The following TDRD1 variants were observed in gnomAD, a reference collection of about 807,000 sequenced individuals.
TDRD1 encodes the protein tudor domain containing 1.
A neutral mutation model predicts 140.6 loss-of-function variants in TDRD1; 37 were observed. The observed-to-expected ratio is 0.26, with a 90% CI of 0.20 to 0.35. The LOEUF is 0.35. Among genes scored for constraint, TDRD1 ranks in the 10% least tolerant of loss-of-function variants. TDRD1 has a pLI of 1.00. For synonymous variants in TDRD1, 506 were observed against 475.7 expected, an observed-to-expected ratio of 1.06 and a Z score of -0.83; for missense variants, 1,243 against 1,393.0, an observed-to-expected ratio of 0.89 and a Z score of 1.71.
At chr10:114,191,673 C>T (rs1564936270) in intron 3 of TDRD1, among the ~76,000 whole-genome samples, 1 of 152,184 alleles carries the variant, frequency 6.6e-6, no homozygotes, top group Non-Finnish European at 1.5e-5. Context: ...AACTAAAACT[C>T]TATATCCATT....
chr10:114,207,172 T>C lies in TDRD1; in HGVS notation c.1384+842T>C, dbSNP rs117298070. ...TCTTTTTGATCCTTTACTTTGCTCC[T>C]GTACTGATTGCTTTAGGAGTAGATA... On this transcript the variant is annotated intron_variant, in intron 11 of 25. Transcript: ENST00000251864. 6.5e-3 allele frequency among the ~76,000 whole-genome samples: 992 copies of C among 152,360 alleles called. 11 individuals are homozygous for C. The highest frequency in any genetic ancestry group is 0.01 in the Middle Eastern group (3 of 294).
At chr10:114,194,747 G>C (rs1038731095) in intron 3 of TDRD1, among the ~76,000 whole-genome samples, 1 of 143,594 alleles carries the variant, frequency 7.0e-6, no homozygotes, top group African/African-American at 2.6e-5. Flanking sequence ...CTTTTTAGTG[G>C]TTGGTTGTTG....
At chr10:114,203,451 T>G in exon 8 of TDRD1, 1 of 1,614,028 alleles carries the variant, frequency 6.2e-7, no homozygotes, top group Non-Finnish European at 8.5e-7. Flanking sequence ...TTCAGAAGTT[T>G]TAGAATACAT....
chr10:114,215,571 T>C (rs1054004879), intron 16 of TDRD1, among the ~76,000 whole-genome samples: 3 of 152,168 alleles, frequency 2.0e-5, no homozygotes, highest in Non-Finnish European at 4.4e-5. Flanking sequence ...GCATCATTGA[T>C]CTTAAGTTTT....
chr10:114,188,037 T>C, exon 2 of TDRD1: 1 of 1,614,190 alleles, frequency 6.2e-7, no homozygotes, highest in Non-Finnish European at 8.5e-7. Context: ...AATTTTTTGC[T>C]TTGTGAGCAA....
At chr10:114,201,571 A>G (rs1438522837) in intron 5 of TDRD1, 56 bp downstream of exon 5, 4 of 1,448,834 alleles carry the variant, frequency 2.8e-6, no homozygotes, top group Non-Finnish European at 3.8e-6. Context: ...TTCTGATACA[A>G]TAAGCGTCCA....
intron 3 of TDRD1, among the ~76,000 whole-genome samples, chr10:114,191,949 C>A (rs1363883470): frequency 6.6e-6 from 1 of 152,162 alleles, no homozygotes; most frequent in East Asian, 1.9e-4. Context: ...TGTGGTTTAA[C>A]TTGCATTTCC....
chr10:114,205,683 A>C (rs190941861), intron 10 of TDRD1, among the ~76,000 whole-genome samples: 1 of 152,194 alleles, frequency 6.6e-6, no homozygotes, highest in Admixed American at 6.5e-5. Flanking sequence ...ATTTCTGTCA[A>C]ATAGAGGGTA....
At chr10:114,218,012 A>AT (rs1025522318) in intron 17 of TDRD1, among the ~76,000 whole-genome samples, 12 of 152,146 alleles carry the variant, frequency 7.9e-5, no homozygotes, top group African/African-American at 2.7e-4. Flanking sequence ...CATTACAATA[A>AT]TTTTTTTACT....
At chr10:114,220,024 A>C (rs2036047058) in intron 18 of TDRD1, among the ~76,000 whole-genome samples, 1 of 152,198 alleles carries the variant, frequency 6.6e-6, no homozygotes, top group South Asian at 2.1e-4. Flanking sequence ...CAGACCTACC[A>C]AAATTAGAAA....
rs1050020631 is a variant in TDRD1 at position 114,228,863 on chromosome 10, C to T, written c.3538+738C>T. Reference sequence around the variant, plus strand: ...CTTTGGGAGGCTGAGGCGGGCAGATCACCTGAGCCCAGGCGTTCGAAGTCA... The same window carrying T: ...CTTTGGGAGGCTGAGGCGGGCAGATTACCTGAGCCCAGGCGTTCGAAGTCA... On this transcript the variant is annotated intron_variant, in intron 25 of 25. Coordinates refer to ENST00000251864, the Ensembl canonical transcript of TDRD1. The T allele has an allele frequency of 5.9e-5, 48 of 808,008 alleles. 1 individual carries two copies. Among genetic ancestry groups the T allele is most frequent in the Non-Finnish European group, 6.9e-5 (46 of 668,398 alleles). 50.1% of individuals were successfully genotyped at this position (808,008 alleles called of 1,614,324 possible).
chr10:114,206,139 G>A lies in TDRD1; in HGVS notation c.1298-105G>A, dbSNP rs1006564883. The A allele has an allele frequency of 4.8e-5, 39 of 806,842 alleles. No individual in the cohort carries two copies. In the African/African-American group the frequency reaches 6.2e-4, roughly 13 times the overall value. The allele number at this position is 806,842 out of a possible 1,614,324, so 50.0% of individuals were successfully genotyped here. ...CAAAACATATACCAACCTATTAATA[G>A]CTATGAACGTGTGTTGTATGATTGA... On this transcript the variant is annotated intron_variant, in intron 10 of 25. Coordinates refer to ENST00000251864, the Ensembl canonical transcript of TDRD1.
chr10:114,210,548 A>G (rs767438565), intron 11 of TDRD1, 33 bp from the exon 12 acceptor site: 9 of 1,537,356 alleles, frequency 5.9e-6, no homozygotes, highest in Admixed American at 2.1e-5. Context: ...GATGAAAACA[A>G]AATGGCTTAT....
At chr10:114,182,305 G>A (rs1181736495) in intron 1 of TDRD1, among the ~76,000 whole-genome samples, 2 of 152,206 alleles carry the variant, frequency 1.3e-5, no homozygotes, top group African/African-American at 2.4e-5. Context: ...AGAAGTTTGT[G>A]GTCCCAGAAC....
At chr10:114,226,397 CTG>C (rs1033256435) in intron 22 of TDRD1, among the ~76,000 whole-genome samples, 181 bp downstream of exon 22, 1 of 152,086 alleles carries the variant, frequency 6.6e-6, no homozygotes, top group Admixed American at 6.5e-5. Flanking sequence ...CTCACAAAAA[CTG>C]TGTTCAGTCA....
In TDRD1 at chr10:114,221,575, G is replaced by A. The variant is rs2036148162; in HGVS notation, c.2890+99G>A. ...CCTTTGGGAATGAAGGGGAGAAAGA[G>A]GCTCACTGTTTTAAGGAAGAACTGA... On this transcript the variant is annotated intron_variant, in intron 20 of 25. Transcript: ENST00000251864. 7.6e-6 allele frequency: 9 copies of A among 1,180,412 alleles called. No homozygotes were observed. In the South Asian group the frequency reaches 1.3e-4, roughly 16 times the overall value. 73.1% of individuals were successfully genotyped at this position (1,180,412 alleles called of 1,614,324 possible).
chr10:114,180,185 T>C (rs1248964972), intron 1 of TDRD1: 4 of 152,062 alleles, frequency 2.6e-5, no homozygotes, highest in African/African-American at 9.7e-5. Context: ...CTTGTAGGAG[T>C]GGTATAAAAG....
intron 16 of TDRD1, among the ~76,000 whole-genome samples, chr10:114,214,618 A>T (rs560304493): frequency 6.6e-6 from 1 of 152,342 alleles, no homozygotes; most frequent in African/African-American, 2.4e-5. Context: ...GTACAACATA[A>T]TGAATTATCA....
intron 1 of TDRD1, among the ~76,000 whole-genome samples, chr10:114,187,156 G>A (rs2033602406): frequency 6.6e-6 from 1 of 152,212 alleles, no homozygotes; most frequent in South Asian, 2.1e-4. Context: ...TGGAAAGCTT[G>A]CAACATTTCC....
Sources: gnomAD v4.1 joint callset for allele counts (sites outside exome capture counted in the v4.1 genomes callset) on GRCh38, gnomAD v4.1.1 for gene constraint, MANE v1.5 for transcripts, NCBI Gene and HGNC (gene_info 2026-07-23, HGNC 2026-07-21) for gene names.